Variants in GSTA2 observed in about 807,000 individuals in gnomAD.
GSTA2 encodes glutathione S-transferase alpha 2.
A neutral mutation model predicts 22.4 loss-of-function variants in GSTA2; 27 were observed. The observed-to-expected ratio is 1.21, with a 90% CI of 0.89 to 1.67. The LOEUF is 1.67. Ranked by LOEUF, GSTA2 falls within the 40% of genes most tolerant of loss-of-function variation. GSTA2 has a pLI of 0.00. For synonymous variants in GSTA2, 121 were observed against 86.8 expected (o/e 1.39, Z -2.19); for missense variants, 302 against 260.2 (o/e 1.16, Z -1.11).
intron 1 of GSTA2, among the ~76,000 whole-genome samples, chr6:52,761,464 T>TCTATATTCTCTATA (rs1561898261): frequency 1.3e-5 from 2 of 151,088 alleles, no homozygotes; most frequent in Admixed American, 1.4e-4. Flanking sequence ...TTCTCTATAT[T>TCTATATTCTCTATA]TTGTCCGTAG....
At chr6:52,753,611 C>A (rs1442728624) in intron 4 of GSTA2, among the ~76,000 whole-genome samples, 5 of 148,718 alleles carry the variant, frequency 3.4e-5, no homozygotes, top group South Asian at 2.2e-4. Flanking sequence ...TAAGAGCCAA[C>A]CCCTTCCCTG....
At chr6:52,759,122 A>G (rs1762903672) in intron 1 of GSTA2, among the ~76,000 whole-genome samples, 2 of 152,254 alleles carry the variant, frequency 1.3e-5, no homozygotes, top group Non-Finnish European at 2.9e-5. Flanking sequence ...AATAGAAAAT[A>G]TCAGTGAGCA....
At chr6:52,755,397 A>G (rs569763364) in intron 3 of GSTA2, among the ~76,000 whole-genome samples, 28 of 152,158 alleles carry the variant, frequency 1.8e-4, no homozygotes, top group African/African-American at 2.2e-4. Flanking sequence ...TATTTTTAGA[A>G]GAGATGGTGT....
chr6:52,755,212 C>CA, intron 3 of GSTA2, 137 bp from the exon 4 acceptor site: 41 of 816,334 alleles, frequency 5.0e-5, no homozygotes, highest in Middle Eastern at 3.3e-4. Flanking sequence ...TCACTTGAAA[C>CA]AACTTTTTTT....
intron 3 of GSTA2, 59 bp downstream of exon 3, chr6:52,756,199 C>A (rs1237337483): frequency 1.6e-6 from 2 of 1,257,438 alleles, no homozygotes; most frequent in African/African-American, 2.9e-5. Context: ...GCTGCGCAAA[C>A]CTCCCCGTGT....
chr6:52,750,248 T>C lies in GSTA2; in HGVS notation c.*329A>G. 4.7e-6 allele frequency: 1 copy of C among 210,784 alleles called. No individual in the cohort carries two copies. Among genetic ancestry groups the C allele is most frequent in the South Asian group, 8.3e-5 (1 of 12,114 alleles). 13.1% of individuals were successfully genotyped at this position (210,784 alleles called of 1,614,324 possible). ...ATTTTTACATTGGCATTTTAATAGATTGTATGACAAATTGTATGTTACAGG... is the reference window on the plus strand; with the variant it reads ...ATTTTTACATTGGCATTTTAATAGACTGTATGACAAATTGTATGTTACAGG... On this transcript the variant is annotated 3_prime_UTR_variant, in exon 7 of 7. Coordinates refer to ENST00000493422, the MANE Select transcript of GSTA2 (RefSeq NM_000846.5).
intron 6 of GSTA2, among the ~76,000 whole-genome samples, chr6:52,751,366 T>C (rs1022382771): frequency 6.6e-6 from 1 of 152,164 alleles, no homozygotes; most frequent in Non-Finnish European, 1.5e-5. Context: ...AAATACTCTT[T>C]GCGGGGTAGC....
chr6:52,752,681 T>C (rs1395626513), intron 5 of GSTA2, among the ~76,000 whole-genome samples, 173 bp downstream of exon 5: 1 of 152,238 alleles, frequency 6.6e-6, no homozygotes, highest in African/African-American at 2.4e-5. Context: ...GTATAAGTGA[T>C]ACAATTGTTT....
chr6:52,751,378 T>C (rs1762732783), intron 6 of GSTA2, among the ~76,000 whole-genome samples, 199 bp downstream of exon 6: 2 of 152,202 alleles, frequency 1.3e-5, no homozygotes, highest in African/African-American at 4.8e-5. Context: ...CGGGGTAGCA[T>C]GCACTACAAA....
In GSTA2 at chr6:52,760,443, T is replaced by C. The variant is rs760781470; in HGVS notation, c.-30-2466A>G. Among the ~76,000 whole-genome samples, 13 of 152,192 alleles carry C rather than the reference T, an allele frequency of 8.5e-5. 1 individual carries two copies. The highest frequency in any genetic ancestry group is 6.2e-4 in the South Asian group (3 of 4,826). ...GAGCTCAAGGATTTGCCATGGGTCA[T>C]ACACACATGCTCCTCATTCATAGTC... is the stretch of plus-strand genomic sequence containing the variant. On this transcript the variant is annotated intron_variant, in intron 1 of 6. Transcript: ENST00000493422.
In GSTA2 at chr6:52,750,603, C is replaced by A. The variant is rs757903976; in HGVS notation, c.643G>T (p.Glu215Ter). ...KPPMDEKSLE[E>*]SRKIFRF ...TAAAACCTGAAAATCTTCCTTGATTCTTCTAAAGATTTCTCATCCATGGGA... is the reference window on the plus strand; with the variant it reads ...TAAAACCTGAAAATCTTCCTTGATTATTCTAAAGATTTCTCATCCATGGGA... Residue 215 changes from glutamate (E) to a stop codon, truncating the protein, a stop_gained, in exon 7 of 7, where the codon GAA becomes TAA. Coordinates refer to ENST00000493422, the MANE Select transcript of GSTA2 (RefSeq NM_000846.5). LOFTEE classifies it high-confidence loss of function. 6 of 1,613,892 alleles carry A rather than the reference C, an allele frequency of 3.7e-6. No individual in the cohort carries two copies. Among genetic ancestry groups the A allele is most frequent in the Non-Finnish European group, 5.1e-6 (6 of 1,179,842 alleles).
chr6:52,762,638 A>T (rs1450017584), intron 1 of GSTA2, among the ~76,000 whole-genome samples: 1 of 152,196 alleles, frequency 6.6e-6, no homozygotes, highest in East Asian at 1.9e-4. Context: ...GAGGGAACTC[A>T]GAGACTGGCG....
At chr6:52,760,588 G>C (rs111978285) in intron 1 of GSTA2, among the ~76,000 whole-genome samples, 2 of 152,104 alleles carry the variant, frequency 1.3e-5, no homozygotes, top group African/African-American at 4.8e-5. Flanking sequence ...TGCTGCACAC[G>C]TGGTGAGTGT....
chr6:52,760,792 G>A (rs1055445197), intron 1 of GSTA2, among the ~76,000 whole-genome samples: 8 of 152,134 alleles, frequency 5.3e-5, no homozygotes, highest in African/African-American at 1.9e-4. Context: ...CTTTTCAGGG[G>A]CTTGCTTGGA....
rs765725663 is a variant in GSTA2, at chr6:52,757,818, G to A, written c.87+43C>T. 3.9e-5 allele frequency: 59 copies of A among 1,500,940 alleles called. 1 individual carries two copies. The South Asian group carries it at 4.1e-4, about 10-fold the overall frequency. The allele number at this position is 1,500,940 out of a possible 1,614,324, so 93.0% of individuals were successfully genotyped here. A position where few individuals can be genotyped will look rare whatever the true frequency, so the allele number is the denominator to read the frequency against. On this transcript the variant is annotated intron_variant, in intron 2 of 6. Transcript: ENST00000493422. ...TTCTGTGGGAAAAGTATGTGATAAC[G>A]CAATCGTAAATCTGACTTAAGATGA...
chr6:52,759,563 GTTTTTTT>G (rs70977382), intron 1 of GSTA2, among the ~76,000 whole-genome samples: 17 of 34,192 alleles, frequency 5.0e-4, no homozygotes, highest in Non-Finnish European at 6.0e-4. Context: ...GTATTTATTT[GTTTTTTT>G]TTTTTTTTTT....
At position 52,751,625 on chromosome 6, in the gene GSTA2, G is replaced by A. The variant is rs112390337; in HGVS notation, c.498C>T (p.Tyr166=). Reference sequence around the variant, plus strand: ...TAAGGCTAGAGTCAAGCTCTTCCACGTAGTAGAGAAGTTCCACCAGGTGAA... The same window carrying A: ...TAAGGCTAGAGTCAAGCTCTTCCACATAGTAGAGAAGTTCCACCAGGTGAA... ...ADIHLVELLY[Y]VEELDSSLIS... Residue 166 remains tyrosine, a synonymous_variant, in exon 6 of 7, where the codon TAC becomes TAT. Coordinates refer to ENST00000493422, the MANE Select transcript of GSTA2 (RefSeq NM_000846.5). The A allele has an allele frequency of 9.1e-4, 1,474 of 1,614,148 alleles. 11 individuals are homozygous for A. The African/African-American group carries it at 0.012, about 13-fold the overall frequency.
Position 52,757,823 on chromosome 6 carries a change from C to T in GSTA2, c.87+38G>A, listed in dbSNP as rs752329085. On this transcript the variant is annotated intron_variant, in intron 2 of 6. Coordinates refer to ENST00000493422, the MANE Select transcript of GSTA2 (RefSeq NM_000846.5). The stretch of plus-strand genomic sequence containing the variant: ...TGGGAAAAGTATGTGATAACGCAAT[C>T]GTAAATCTGACTTAAGATGACCTAA... 23 of 1,544,466 alleles carry T rather than the reference C, an allele frequency of 1.5e-5. No homozygotes were observed. The South Asian group carries it at 1.7e-4, about 11-fold the overall frequency.
intron 5 of GSTA2, among the ~76,000 whole-genome samples, 188 bp downstream of exon 5, chr6:52,752,666 C>G (rs552861218): frequency 1.4e-4 from 22 of 152,274 alleles, no homozygotes; most frequent in African/African-American, 4.8e-4. Flanking sequence ...AAGATTATAG[C>G]TTGGGTATAA....
Sources: gnomAD v4.1 joint callset for allele counts (sites outside exome capture counted in the v4.1 genomes callset) on GRCh38, gnomAD v4.1.1 for gene constraint, MANE v1.5 for transcripts, NCBI Gene and HGNC (gene_info 2026-07-23, HGNC 2026-07-21) for gene names.